Variants in ZFYVE16 observed in about 807,000 individuals in gnomAD.
ZFYVE16 encodes zinc finger FYVE domain-containing protein 16.
Under a neutral mutation model 138.1 loss-of-function variants are expected in ZFYVE16, and 89 were observed. The observed-to-expected ratio is 0.64, with a 90% confidence interval of 0.54 to 0.77. The LOEUF (loss-of-function observed/expected upper bound fraction) is 0.77. Among genes scored for constraint, ZFYVE16 ranks in the 30% least tolerant of loss-of-function variants. The pLI is 0.00. For missense variants in ZFYVE16, 1,793 were observed against 1,786.7 expected, an observed-to-expected ratio of 1.00 and a Z score of -0.06; for synonymous variants, 596 against 618.3, an observed-to-expected ratio of 0.96 and a Z score of 0.53.
Position 80,434,210 on chromosome 5 carries a change from G to C in ZFYVE16, c.63G>C (p.Gln21His). The change falls in exon 3 of 19, where the codon CAG becomes CAC. Residue 21 changes from glutamine to histidine, a missense_variant. Physicochemically the swap from Gln to His is conservative, Grantham distance 24 (BLOSUM62 0). Transcript: ENST00000505560. Reference sequence around the variant, plus strand: ...ACAAACTCCTTGATGATTTTGAACAGAACCCAGGTTTGTTGATTTTCCATT... The same window carrying C: ...ACAAACTCCTTGATGATTTTGAACACAACCCAGGTTTGTTGATTTTCCATT... ...DLDKLLDDFE[Q>H]NPDEQDYLQD... 1 of 1,613,100 alleles carries C rather than the reference G, an allele frequency of 6.2e-7. No homozygotes were observed. Among genetic ancestry groups the C allele is most frequent in the Non-Finnish European group, 8.5e-7 (1 of 1,179,404 alleles).
Position 80,420,292 on chromosome 5 carries a change from TTTA to T in ZFYVE16, c.-93-7191_-93-7189del, listed in dbSNP as rs777333222. 8.6e-5 allele frequency among the ~76,000 whole-genome samples: 13 copies of T among 151,908 alleles called. No individual in the cohort carries two copies. In the South Asian group the frequency reaches 2.1e-3, roughly 24 times the overall value. On this transcript the variant is annotated intron_variant, in intron 1 of 18. Transcript: ENST00000505560. ...CAGCTAATTTTTATTTTTATTATTATTTATTATTATTTTTTATTATACTTTAAG... is the reference window on the plus strand; with the variant it reads ...CAGCTAATTTTTATTTTTATTATTATTTATTATTTTTTATTATACTTTAAG...
At chr5:80,452,946 C>T (rs1035594136) in intron 11 of ZFYVE16, among the ~76,000 whole-genome samples, 3 of 151,918 alleles carry the variant, frequency 2.0e-5, no homozygotes, top group Non-Finnish European at 4.4e-5. Flanking sequence ...TTTTTGAATT[C>T]CCACTGTATC....
rs771512678 is a variant in ZFYVE16 at position 80,445,342 on chromosome 5, A to G, written c.2661A>G (p.Lys887=). 8.1e-6 allele frequency: 13 copies of G among 1,613,988 alleles called. No homozygotes were observed. Among genetic ancestry groups the G allele is most frequent in the Non-Finnish European group, 9.3e-6 (11 of 1,179,936 alleles). The change falls in exon 7 of 19, where the codon AAA becomes AAG. Residue 887 remains lysine, a synonymous_variant. Coordinates refer to ENST00000505560, the MANE Select transcript of ZFYVE16 (RefSeq NM_001284236.3). ...ATGGTGAAGTTGCAGATACAACAAA[A>G]TTATCATCTGGAAGTAAAAGATGTT... ...LPNGEVADTT[K]LSSGSKRCSE...
intron 3 of ZFYVE16, chr5:80,435,649 G>T: frequency 2.7e-6 from 1 of 364,834 alleles, no homozygotes; most frequent in South Asian, 2.0e-5. Context: ...GCTCACTGCA[G>T]CCTTGAATTC....
At position 80,445,305 on chromosome 5, in the gene ZFYVE16, G is replaced by A; in HGVS notation, c.2624G>A (p.Gly875Asp). Residue 875 changes from glycine (G) to aspartate (D), a missense_variant, in exon 7 of 19, where the codon GGT (glycine) becomes GAT (aspartate). By Grantham distance (94) the Gly-to-Asp change is moderately conservative (BLOSUM62 -1). Transcript: ENST00000505560. ...CAGAAGAGAGTATGGTTTGCAGATGGTATATTGCCCAATGGTGAAGTTGCA... is the reference window on the plus strand; with the variant it reads ...CAGAAGAGAGTATGGTTTGCAGATGATATATTGCCCAATGGTGAAGTTGCA... ...KEQKRVWFAD[G>D]ILPNGEVADT... The A allele has an allele frequency of 6.2e-7, 1 of 1,613,944 alleles. No individual in the cohort carries two copies. Among genetic ancestry groups the A allele is most frequent in the Non-Finnish European group, 8.5e-7 (1 of 1,179,940 alleles).
rs925983696 is a variant in ZFYVE16 at position 80,480,173 on chromosome 5, A to G, written c.*2796A>G. ...AAGCAATGAAAACAAACTCACAGAT[A>G]TAGGTATTAGATTTGTTTTCTTTGT... On this transcript the variant is annotated 3_prime_UTR_variant, in exon 19 of 19. Transcript: ENST00000505560. Among the ~76,000 whole-genome samples the G allele has an allele frequency of 1.3e-5, 2 of 152,026 alleles. No individual in the cohort carries two copies. The highest frequency in any genetic ancestry group is 2.9e-5 in the Non-Finnish European group (2 of 68,026).
Position 80,437,799 on chromosome 5 carries a change from C to T in ZFYVE16, c.1114C>T (p.Pro372Ser). The change falls in exon 4 of 19, where the codon CCG becomes TCG. Residue 372 changes from proline (P) to serine (S), a missense_variant. By Grantham distance (74) the Pro-to-Ser change is moderately conservative. This residue lies in a region of ZFYVE16 where 1,295 missense variants were observed against 1,204.3 expected (regional missense o/e 1.08). Transcript: ENST00000505560. ...TTTACATGTTTCCAGTAAAGATGTG[C>T]CGTCCTCATTGTCCTGTCTTCCTGC... ...SALHVSSKDV[P>S]SSLSCLPASG... 6.2e-7 allele frequency: 1 copy of T among 1,613,988 alleles called. No homozygotes were observed. The highest frequency in any genetic ancestry group is 8.5e-7 in the Non-Finnish European group (1 of 1,179,938).
At position 80,436,952 on chromosome 5, in the gene ZFYVE16, T is replaced by C. The variant is rs1750005477; in HGVS notation, c.267T>C (p.Thr89=). 6.2e-7 allele frequency: 1 copy of C among 1,614,140 alleles called. No homozygotes were observed. The highest frequency in any genetic ancestry group is 1.6e-4 in the Middle Eastern group (1 of 6,062). Residue 89 remains threonine (T), a synonymous_variant, in exon 4 of 19, where the codon ACT becomes ACC. Coordinates refer to ENST00000505560, the MANE Select transcript of ZFYVE16 (RefSeq NM_001284236.3). ...ATGAAAAAACACTCAAGGGACTTAC[T>C]TCTATACAAAATGAAAAAAATGTAA... ...SLNEKTLKGL[T]SIQNEKNVTG...
At chr5:80,436,669 T>G in intron 3 of ZFYVE16, 87 bp from the exon 4 acceptor site, 2 of 1,186,436 alleles carry the variant, frequency 1.7e-6, no homozygotes, top group South Asian at 1.8e-5. Flanking sequence ...AAAAGTGTAT[T>G]TAGTTTAGAA....
intron 4 of ZFYVE16, 113 bp downstream of exon 4, chr5:80,439,120 TCA>T: frequency 8.9e-7 from 1 of 1,125,430 alleles, no homozygotes; most frequent in Non-Finnish European, 1.2e-6. Flanking sequence ...TAGTTTAAAA[TCA>T]GTGTTTTTCA....
In ZFYVE16 at chr5:80,481,609, T is replaced by C. The variant is rs1194894536; in HGVS notation, c.*4232T>C. Among the ~76,000 whole-genome samples the C allele has an allele frequency of 6.6e-6, 1 of 152,168 alleles. No individual in the cohort carries two copies. Among genetic ancestry groups the C allele is most frequent in the Non-Finnish European group, 1.5e-5 (1 of 68,036 alleles). ...AAACTTAACTGAATTGATGGTCTGCTAAAACAAAACAAAACAAAAACATTC... is the reference window on the plus strand; with the variant it reads ...AAACTTAACTGAATTGATGGTCTGCCAAAACAAAACAAAACAAAAACATTC... On this transcript the variant is annotated 3_prime_UTR_variant, in exon 19 of 19. Coordinates refer to ENST00000505560, the MANE Select transcript of ZFYVE16 (RefSeq NM_001284236.3).
intron 3 of ZFYVE16, among the ~76,000 whole-genome samples, chr5:80,435,104 G>T (rs1327560010): frequency 1.3e-5 from 2 of 151,898 alleles, no homozygotes. Flanking sequence ...GCATGATCTC[G>T]GCTCACTGCA....
At chr5:80,419,932 C>T (rs532131525) in intron 1 of ZFYVE16, among the ~76,000 whole-genome samples, 2 of 151,902 alleles carry the variant, frequency 1.3e-5, no homozygotes, top group South Asian at 2.1e-4. Flanking sequence ...CTGCCTCAGC[C>T]TCCTGAGTAG....
Position 80,442,509 on chromosome 5 carries a change from C to T in ZFYVE16, c.2420-614C>T, listed in dbSNP as rs115837897. Reference sequence around the variant, plus strand: ...GTGAGATAATGAAGCCGTGTGAGTACGAGAAGAACATTCTAGGCCAAGGGA... The same window carrying T: ...GTGAGATAATGAAGCCGTGTGAGTATGAGAAGAACATTCTAGGCCAAGGGA... On this transcript the variant is annotated intron_variant, in intron 5 of 18. Coordinates refer to ENST00000505560, the MANE Select transcript of ZFYVE16 (RefSeq NM_001284236.3). 4.8e-3 allele frequency among the ~76,000 whole-genome samples: 731 copies of T among 152,088 alleles called. 4 individuals carry two copies. Among genetic ancestry groups the T allele is most frequent in the African/African-American group, 0.017 (696 of 41,490 alleles).
upstream of ZFYVE16, chr5:80,408,026 G>C (rs1199380604): frequency 6.6e-6 from 1 of 152,350 alleles, no homozygotes; most frequent in Non-Finnish European, 1.5e-5. Context: ...TGCGCTGCCC[G>C]GTGGGGCGGG....
At position 80,482,665 on chromosome 5, in the gene ZFYVE16, G is replaced by T. The variant is rs1271686060; in HGVS notation, c.*5288G>T. ...AAACCAACTGTAAAGAAAATACTTT[G>T]AAAACAACTGGAAGAAAACAACACT... On this transcript the variant is annotated 3_prime_UTR_variant, in exon 19 of 19. Coordinates refer to ENST00000505560, the MANE Select transcript of ZFYVE16 (RefSeq NM_001284236.3). The T allele has an allele frequency of 3.3e-5, 5 of 152,202 alleles. No homozygotes were observed. Among genetic ancestry groups the T allele is most frequent in the Middle Eastern group, 3.4e-3 (1 of 294 alleles). The allele number at this position is 152,202 out of a possible 1,614,324, so 9.4% of individuals were successfully genotyped here. A position where few individuals can be genotyped will look rare whatever the true frequency, so the allele number is the denominator to read the frequency against.
At position 80,445,350 on chromosome 5, in the gene ZFYVE16, C is replaced by T. The variant is rs1363326644; in HGVS notation, c.2669C>T (p.Ser890Phe). The T allele has an allele frequency of 1.9e-6, 3 of 1,613,926 alleles. No individual in the cohort carries two copies. In the East Asian group the frequency reaches 6.7e-5, roughly 36 times the overall value. ...GEVADTTKLS[S>F]GSKRCSEDFS... is the part of the protein sequence containing the mutation. ...GTTGCAGATACAACAAAATTATCAT[C>T]TGGAAGTAAAAGATGTTCTGAAGAC... The change falls in exon 7 of 19, where the codon TCT becomes TTT. Residue 890 changes from serine (S) to phenylalanine (F), a missense_variant. Around this residue, in one of 2 missense-constraint regions of ZFYVE16, gnomAD observed 1,295 missense variants for 1,204.3 expected, o/e 1.08. Transcript: ENST00000505560.
At chr5:80,430,701 TAAAGAA>T (rs1748871508) in intron 2 of ZFYVE16, among the ~76,000 whole-genome samples, 3 of 151,794 alleles carry the variant, frequency 2.0e-5, no homozygotes, top group African/African-American at 7.3e-5. Context: ...GCAAGACTGA[TAAAGAA>T]CAAAAGAGAG....
intron 1 of ZFYVE16, among the ~76,000 whole-genome samples, chr5:80,408,396 G>C (rs960379431): frequency 3.3e-5 from 5 of 152,244 alleles, no homozygotes; most frequent in South Asian, 2.1e-4. Flanking sequence ...GGACCGGGAG[G>C]GCAATCACGG....
Sources: allele counts gnomAD v4.1 joint callset (sites outside exome capture counted in the v4.1 genomes callset), GRCh38; gene constraint gnomAD v4.1.1; regional missense constraint gnomAD v4.1.1; transcripts MANE v1.5; gene names NCBI Gene and HGNC (gene_info 2026-07-23, HGNC 2026-07-21).